Variants in TMPO observed in about 807,000 individuals in gnomAD.
TMPO encodes the protein LEM domain containing 4.
TMPO carries 22 observed loss-of-function variants against 45.4 expected under a neutral mutation model. That is an observed-to-expected ratio of 0.48 (90% CI 0.35 to 0.69). TMPO has a LOEUF of 0.69. Among genes scored for constraint, TMPO ranks in the 30% least tolerant of loss-of-function variants. The pLI is 0.01. For missense variants in TMPO, 512 were observed against 548.8 expected, an observed-to-expected ratio of 0.93 and a Z score of 0.67; for synonymous variants, 241 against 204.1, an observed-to-expected ratio of 1.18 and a Z score of -1.54.
At chr12:98,547,535 T>A (rs761861030) in intron 8 of TMPO, 38 bp from the exon 9 acceptor site, 1 of 1,613,156 alleles carries the variant, frequency 6.2e-7, no homozygotes, top group Non-Finnish European at 8.5e-7. Context: ...TGCCTTTATC[T>A]AAAATTATTT....
chr12:98,539,403 T>C (rs1295242040), intron 4 of TMPO, among the ~76,000 whole-genome samples: 1 of 151,718 alleles, frequency 6.6e-6, no homozygotes, highest in Non-Finnish European at 1.5e-5. Flanking sequence ...CAGTCATAGA[T>C]GTGCCACAGT....
chr12:98,543,764 A>C (rs1878060950), intron 4 of TMPO, among the ~76,000 whole-genome samples: 1 of 152,258 alleles, frequency 6.6e-6, no homozygotes, highest in South Asian at 2.1e-4. Context: ...TTCTACTAAA[A>C]TGATTATAAC....
At chr12:98,541,400 C>CTT (rs764059174) in intron 4 of TMPO, among the ~76,000 whole-genome samples, 3 of 152,124 alleles carry the variant, frequency 2.0e-5, no homozygotes, top group Non-Finnish European at 2.9e-5. Context: ...TTATGTTATA[C>CTT]TTGTATCATT....
intron 4 of TMPO, among the ~76,000 whole-genome samples, chr12:98,539,084 T>G (rs572423422): frequency 6.6e-6 from 1 of 151,926 alleles, no homozygotes; most frequent in South Asian, 2.1e-4. Context: ...CCTGTAATCC[T>G]AGCTACTCCG....
chr12:98,516,535 TC>T, intron 1 of TMPO: 1 of 1,034,346 alleles, frequency 9.7e-7, no homozygotes, highest in Non-Finnish European at 1.2e-6. Context: ...TCGAGCGTTT[TC>T]CCGCTTTATT....
chr12:98,543,189 C>T (rs1878026799), intron 4 of TMPO, among the ~76,000 whole-genome samples: 1 of 152,158 alleles, frequency 6.6e-6, no homozygotes, highest in Admixed American at 6.5e-5. Flanking sequence ...TAGACATTGA[C>T]TTGGACCTAA....
rs1877409856 is a variant in TMPO, at chr12:98,534,089, C to T, written c.565+2251C>T. 6.2e-7 allele frequency: 1 copy of T among 1,612,222 alleles called. No individual in the cohort carries two copies. Among genetic ancestry groups the T allele is most frequent in the East Asian group, 2.2e-5 (1 of 44,838 alleles). ...ATTCTTAGCTCAGATCCTAGTCGTACCCACCAAGCGCTTGGGATTCTGAGC... is the reference window on the plus strand; with the variant it reads ...ATTCTTAGCTCAGATCCTAGTCGTATCCACCAAGCGCTTGGGATTCTGAGC... On this transcript the variant is annotated intron_variant, in intron 3 of 8. Coordinates refer to ENST00000556029, the MANE Select transcript of TMPO (RefSeq NM_001032283.3).
At chr12:98,544,081 C>A in intron 4 of TMPO, 149 bp from the exon 5 acceptor site, 1 of 825,860 alleles carries the variant, frequency 1.2e-6, no homozygotes, top group Non-Finnish European at 1.9e-6. Flanking sequence ...TCAATTAATA[C>A]ATTTAGGAAT....
intron 3 of TMPO, among the ~76,000 whole-genome samples, chr12:98,536,365 T>C (rs1877564915): frequency 6.6e-6 from 1 of 152,200 alleles, no homozygotes; most frequent in South Asian, 2.1e-4. Flanking sequence ...GGATTTTTTT[T>C]TTTTTGAAAT....
rs145703021 is a variant in TMPO at position 98,533,566 on chromosome 12, G to T, written c.565+1728G>T. On this transcript the variant is annotated intron_variant, in intron 3 of 8. Coordinates refer to ENST00000556029, the MANE Select transcript of TMPO (RefSeq NM_001032283.3). ...AGTCCCTAGACTGAGTGAGAAGTCA[G>T]TGGAGGAAAGGGATTCAGGTTCCTT... 14 of 1,614,108 alleles carry T rather than the reference G, an allele frequency of 8.7e-6. No homozygotes were observed. The highest frequency in any genetic ancestry group is 1.2e-5 in the Non-Finnish European group (14 of 1,180,046).
chr12:98,531,198 T>C (rs1215222081), intron 2 of TMPO, among the ~76,000 whole-genome samples: 5 of 150,678 alleles, frequency 3.3e-5, no homozygotes, highest in African/African-American at 4.9e-5. Flanking sequence ...CCTTGGCCTC[T>C]GGAGGTGCTG....
At chr12:98,515,587 G>A (rs556965251), upstream of TMPO, 5 of 502,408 alleles carry the variant, frequency 1.0e-5, no homozygotes, top group African/African-American at 6.0e-5. Context: ...TTGGGGCGTG[G>A]GCGAAGCAGG....
In TMPO at chr12:98,532,833, A is replaced by C; in HGVS notation, c.565+995A>C. 2.5e-6 allele frequency: 4 copies of C among 1,614,202 alleles called. No homozygotes were observed. Among genetic ancestry groups the C allele is most frequent in the Non-Finnish European group, 3.4e-6 (4 of 1,180,028 alleles). On this transcript the variant is annotated intron_variant, in intron 3 of 8. Transcript: ENST00000556029. ...CTTTTGCCTCTACAGGAAAGAAGAA[A>C]GAACACAAGAAAGTGAAGTCCACTA...
Position 98,520,537 on chromosome 12 carries a change from C to T in TMPO, c.279+4391C>T, listed in dbSNP as rs112599118. Among the ~76,000 whole-genome samples the T allele has an allele frequency of 8.9e-3, 1,350 of 151,646 alleles. 37 individuals carry two copies. Among genetic ancestry groups the T allele is most frequent in the African/African-American group, 0.031 (1,285 of 41,344 alleles). On this transcript the variant is annotated intron_variant, in intron 1 of 8. Coordinates refer to ENST00000556029, the MANE Select transcript of TMPO (RefSeq NM_001032283.3). The stretch of plus-strand genomic sequence containing the variant: ...GGTCAGGCTGGTCTCGAACTCCTGA[C>T]CTCGTGATCCACCTGCCTCGGCCTC...
intron 1 of TMPO, among the ~76,000 whole-genome samples, chr12:98,517,057 C>A (rs11829793): frequency 0.027 from 4,087 of 152,282 alleles, 188 homozygotes; most frequent in African/African-American, 0.094. Context: ...GTGGTCCTCC[C>A]GCCTCGGCCT....
chr12:98,544,150 C>T, intron 4 of TMPO, 80 bp from the exon 5 acceptor site: 1 of 1,510,536 alleles, frequency 6.6e-7, no homozygotes, highest in Non-Finnish European at 9.1e-7. Context: ...TATTTCATGG[C>T]TTCTCAGTGT....
chr12:98,520,175 G>C (rs1472681980), intron 1 of TMPO, among the ~76,000 whole-genome samples: 2 of 151,906 alleles, frequency 1.3e-5, no homozygotes, highest in African/African-American at 4.8e-5. Context: ...GGCCAGGCTG[G>C]TCTCAAACTC....
chr12:98,533,003 G>C lies in TMPO; in HGVS notation c.565+1165G>C, dbSNP rs191275106. On this transcript the variant is annotated intron_variant, in intron 3 of 8. Transcript: ENST00000556029. ...GCTAAGAAAGTACATACTTCTAAGG[G>C]AGACCTACCTAGGGAGCCTCTTGTT... 15 of 1,614,024 alleles carry C rather than the reference G, an allele frequency of 9.3e-6. No individual in the cohort carries two copies. The Admixed American group carries it at 1.8e-4, about 20-fold the overall frequency.
At chr12:98,534,398 T>C in intron 3 of TMPO, 2 of 1,602,594 alleles carry the variant, frequency 1.2e-6, no homozygotes, top group Non-Finnish European at 1.7e-6. Flanking sequence ...TATGCCAACA[T>C]TTTCTTTTCT....
Sources: gnomAD v4.1 joint callset for allele counts (sites outside exome capture counted in the v4.1 genomes callset) on GRCh38, gnomAD v4.1.1 for gene constraint, MANE v1.5 for transcripts, NCBI Gene and HGNC (gene_info 2026-07-23, HGNC 2026-07-21) for gene names.